The following GRID1 variants were observed in gnomAD, a reference collection of about 807,000 sequenced individuals.
GRID1 encodes the protein glutamate ionotropic receptor delta type subunit 1, also known as glutamate receptor ionotropic, delta-1.
GRID1 carries 28 observed loss-of-function variants against 98.0 expected under a neutral mutation model. That is an observed-to-expected ratio of 0.29 (90% confidence interval 0.21 to 0.39). GRID1 has a LOEUF of 0.39. Ranked by LOEUF, GRID1 falls within the 10% of genes least tolerant of loss-of-function variation. The pLI is 1.00. For missense variants in GRID1, 1,111 were observed against 1,340.5 expected (o/e 0.83, Z 2.67); for synonymous variants, 553 against 538.5 (o/e 1.03, Z -0.37).
intron 8 of GRID1, among the ~76,000 whole-genome samples, chr10:85,792,384 G>C (rs1430714108): frequency 2.0e-5 from 3 of 152,228 alleles, no homozygotes; most frequent in Non-Finnish European, 2.9e-5. Flanking sequence ...ATTTCCACCA[G>C]TGGAGGGAGC....
chr10:86,257,668 C>G (rs918376426), intron 2 of GRID1, among the ~76,000 whole-genome samples: 4 of 152,136 alleles, frequency 2.6e-5, no homozygotes, highest in African/African-American at 9.7e-5. Context: ...GCTCTACATT[C>G]AGTAGGGACA....
intron 8 of GRID1, among the ~76,000 whole-genome samples, chr10:85,744,433 T>C (rs997300905): frequency 2.6e-5 from 4 of 151,344 alleles, no homozygotes; most frequent in Admixed American, 1.3e-4. Context: ...TACAACTATC[T>C]GATCTTTGAC....
At chr10:85,659,510 T>C (rs772748261) in intron 12 of GRID1, among the ~76,000 whole-genome samples, 1 of 152,180 alleles carries the variant, frequency 6.6e-6, no homozygotes, top group Admixed American at 6.5e-5. Context: ...TCAGCACTCA[T>C]GGTGCAAGAA....
At chr10:85,779,052 A>G (rs1842358930) in intron 8 of GRID1, among the ~76,000 whole-genome samples, 1 of 152,172 alleles carries the variant, frequency 6.6e-6, no homozygotes, top group Non-Finnish European at 1.5e-5. Context: ...TTAAGTTGTC[A>G]TTTTTCAAAA....
intron 2 of GRID1, among the ~76,000 whole-genome samples, chr10:86,271,220 T>A (rs991191673): frequency 2.6e-5 from 4 of 152,136 alleles, no homozygotes; most frequent in Non-Finnish European, 4.4e-5. Flanking sequence ...GGACATTGGG[T>A]AGAGTATGTA....
At chr10:86,042,299 C>T (rs114765122) in intron 4 of GRID1, among the ~76,000 whole-genome samples, 2,532 of 152,296 alleles carry the variant, frequency 0.017, 63 homozygotes, top group African/African-American at 0.057. Context: ...CTGATACTCA[C>T]GCCTCTGGCC....
chr10:85,856,801 T>C (rs59975138), intron 6 of GRID1, among the ~76,000 whole-genome samples: 40,208 of 152,202 alleles, frequency 0.26, 5,493 homozygotes, highest in African/African-American at 0.33. Context: ...TTTGCTCTAT[T>C]GGCCACCGCT....
At chr10:86,270,251 G>T (rs529262266) in intron 2 of GRID1, among the ~76,000 whole-genome samples, 14 of 152,100 alleles carry the variant, frequency 9.2e-5, no homozygotes, top group African/African-American at 3.1e-4. Context: ...CTGCAGCCTG[G>T]CACAGAACAG....
At chr10:85,638,267 A>C (rs957782296) in intron 13 of GRID1, among the ~76,000 whole-genome samples, 1 of 152,184 alleles carries the variant, frequency 6.6e-6, no homozygotes, top group Admixed American at 6.5e-5. Context: ...ATAAAAATAT[A>C]AGTTTTCCCT....
intron 2 of GRID1, among the ~76,000 whole-genome samples, chr10:86,290,250 A>G (rs1337454706): frequency 6.6e-6 from 1 of 152,266 alleles, no homozygotes; most frequent in East Asian, 1.9e-4. Context: ...AATAAAACTA[A>G]GAGGAACTGC....
chr10:85,649,815 A>G (rs1306199832), intron 12 of GRID1, among the ~76,000 whole-genome samples: 2 of 152,122 alleles, frequency 1.3e-5, no homozygotes, highest in Non-Finnish European at 2.9e-5. Flanking sequence ...TTTCTGTTTT[A>G]GTAGACCTCA....
At chr10:85,638,819 C>T (rs1253071342) in intron 13 of GRID1, among the ~76,000 whole-genome samples, 1 of 152,042 alleles carries the variant, frequency 6.6e-6, no homozygotes, top group Non-Finnish European at 1.5e-5. Context: ...GGCCAATAAG[C>T]ACATGAAAAA....
At chr10:85,898,356 T>C (rs1738763305) in intron 5 of GRID1, among the ~76,000 whole-genome samples, 2 of 152,188 alleles carry the variant, frequency 1.3e-5, no homozygotes, top group Admixed American at 6.5e-5. Context: ...GACATTACTG[T>C]ACACTACTAT....
intron 3 of GRID1, among the ~76,000 whole-genome samples, chr10:86,170,225 C>T (rs1845463419): frequency 6.6e-6 from 1 of 152,210 alleles, no homozygotes; most frequent in African/African-American, 2.4e-5. Flanking sequence ...CCAGCCCTCC[C>T]AGAGCATCTG....
intron 2 of GRID1, among the ~76,000 whole-genome samples, chr10:86,312,234 A>C (rs541161080): frequency 2.0e-5 from 3 of 152,348 alleles, no homozygotes; most frequent in African/African-American, 7.2e-5. Context: ...TTTCACTTTC[A>C]AAACAAATTC....
chr10:86,085,200 C>A (rs535089678), intron 4 of GRID1, among the ~76,000 whole-genome samples: 1 of 152,288 alleles, frequency 6.6e-6, no homozygotes, highest in East Asian at 1.9e-4. Context: ...GCAGGAAAAA[C>A]CCCTCCAGGA....
intron 8 of GRID1, among the ~76,000 whole-genome samples, chr10:85,733,857 TG>T (rs2132663599): frequency 6.6e-6 from 1 of 152,290 alleles, no homozygotes; most frequent in South Asian, 2.1e-4. Context: ...ATGTGATACG[TG>T]GATATATGTG....
At chr10:86,162,323 C>T (rs1197967652) in intron 3 of GRID1, among the ~76,000 whole-genome samples, 2 of 152,006 alleles carry the variant, frequency 1.3e-5, no homozygotes, top group African/African-American at 2.4e-5. Flanking sequence ...CCATCATTAC[C>T]GTGTCCCTGC....
At chr10:86,035,056 AGT>A (rs202111738) in intron 4 of GRID1, among the ~76,000 whole-genome samples, 4,723 of 152,236 alleles carry the variant, frequency 0.031, 204 homozygotes, top group African/African-American at 0.098. Flanking sequence ...CAGGGAGCAC[AGT>A]CATTTGGAAA....
Sources: gnomAD v4.1 joint callset for allele counts (sites outside exome capture counted in the v4.1 genomes callset) on GRCh38, gnomAD v4.1.1 for gene constraint, MANE v1.5 for transcripts, NCBI Gene and HGNC (gene_info 2026-07-23, HGNC 2026-07-21) for gene names.